Variants in IDH3A observed in about 807,000 individuals in gnomAD.
IDH3A encodes isocitrate dehydrogenase [NAD] subunit alpha, mitochondrial.
A neutral mutation model predicts 43.3 loss-of-function variants in IDH3A; 23 were observed. The ratio of observed to expected loss-of-function variants is 0.53; its 90% CI spans 0.38 to 0.75. The LOEUF is 0.75. Among genes scored for constraint, IDH3A ranks in the 30% least tolerant of loss-of-function variants. The pLI, the probability that IDH3A is intolerant of heterozygous loss-of-function variation, is 0.00. For missense variants in IDH3A, 329 were observed against 474.4 expected (o/e 0.69, Z 2.85); for synonymous variants, 154 against 163.5 (o/e 0.94, Z 0.44).
Position 78,157,599 on chromosome 15 carries a change from G to C in IDH3A, c.142G>C (p.Ala48Pro), listed in dbSNP as rs978774255. ...AGATGGTATTGGCCCAGAAATTTCA[G>C]CTGCAGTTATGAAGATTTTTGATGC... ...PGDGIGPEIS[A>P]AVMKIFDAAK... is the part of the protein sequence containing the mutation. The change falls in exon 3 of 11, where the codon GCT (alanine) becomes CCT (proline). Residue 48 changes from alanine to proline, a missense_variant. By Grantham distance (27) the Ala-to-Pro change is conservative. This residue lies in a region of IDH3A where 212 missense variants were observed against 345.5 expected (regional missense o/e 0.61). Coordinates refer to ENST00000299518, the MANE Select transcript of IDH3A (RefSeq NM_005530.3). 1.2e-6 allele frequency: 2 copies of C among 1,612,946 alleles called. No homozygotes were observed. Among genetic ancestry groups the C allele is most frequent in the South Asian group, 1.1e-5 (1 of 90,946 alleles).
At chr15:78,150,017 G>A (rs2141935772) in intron 1 of IDH3A, among the ~76,000 whole-genome samples, 1 of 152,356 alleles carries the variant, frequency 6.6e-6, no homozygotes, top group Non-Finnish European at 1.5e-5. Flanking sequence ...GACCTCTAGT[G>A]CTCTTGTAGC....
intron 3 of IDH3A, among the ~76,000 whole-genome samples, chr15:78,159,687 G>A (rs189948969): frequency 2.0e-5 from 3 of 152,182 alleles, no homozygotes; most frequent in Admixed American, 2.0e-4. Context: ...GTTTTTAGCA[G>A]TCACATCCAA....
intron 3 of IDH3A, 31 bp from the exon 4 acceptor site, chr15:78,160,061 A>G: frequency 7.6e-7 from 1 of 1,313,954 alleles, no homozygotes; most frequent in Non-Finnish European, 1.1e-6. Context: ...AAGTCTCTCC[A>G]GCTCACTGTG....
Position 78,162,231 on chromosome 15 carries a change from C to A in IDH3A, c.478-3C>A. 2 of 1,614,120 alleles carry A rather than the reference C, an allele frequency of 1.2e-6. No homozygotes were observed. The highest frequency in any genetic ancestry group is 1.7e-6 in the Non-Finnish European group (2 of 1,179,990). On this transcript the variant is annotated splice_region_variant and splice_polypyrimidine_tract_variant and intron_variant, in intron 5 of 10. Coordinates refer to ENST00000299518, the MANE Select transcript of IDH3A (RefSeq NM_005530.3). The stretch of plus-strand genomic sequence containing the variant: ...CAGCAAGGTGGGACTTCCTGTCTTG[C>A]AGATTGTTGATGGAGTCGTGCAGAG...
At chr15:78,163,663 TG>T in intron 7 of IDH3A, 52 bp from the exon 8 acceptor site, 1 of 1,553,238 alleles carries the variant, frequency 6.4e-7, no homozygotes, top group Non-Finnish European at 8.9e-7. Context: ...GGTGTCTGTG[TG>T]TTGTGGGGAT....
In IDH3A at chr15:78,165,006, G is replaced by C. The variant is rs1180890660; in HGVS notation, c.794G>C (p.Gly265Ala). Residue 265 changes from glycine to alanine, a missense_variant, in exon 9 of 11, where the codon GGA becomes GCA. Coordinates refer to ENST00000299518, the MANE Select transcript of IDH3A (RefSeq NM_005530.3). The part of the protein sequence containing the change: ...YGDILSDLCA[G>A]LIGGLGVTPS... ...TCTTCCGCTAGTGACTTGTGTGCAG[G>C]ATTGATCGGAGGTCTCGGTGTGACA... is the stretch of plus-strand genomic sequence containing the variant. 6.2e-7 allele frequency: 1 copy of C among 1,613,620 alleles called. No individual in the cohort carries two copies. Among genetic ancestry groups the C allele is most frequent in the Admixed American group, 1.7e-5 (1 of 59,990 alleles).
At chr15:78,151,628 T>C (rs1399935592) in intron 1 of IDH3A, 1 of 151,970 alleles carries the variant, frequency 6.6e-6, no homozygotes, top group African/African-American at 2.4e-5. Context: ...ACTATTTACA[T>C]GTTTTTAAGT....
At position 78,149,367 on chromosome 15, in the gene IDH3A, C is replaced by T. The variant is rs529223207; in HGVS notation, c.-37C>T. On this transcript the variant is annotated 5_prime_UTR_variant, in exon 1 of 11. Coordinates refer to ENST00000299518, the MANE Select transcript of IDH3A (RefSeq NM_005530.3). ...CGTGGGGTGGGCGCTTGCGCACTGC[C>T]GCTGCGGCTGTTGCTGCGGAGCCAG... The T allele has an allele frequency of 2.0e-6, 3 of 1,521,566 alleles. No homozygotes were observed. Among genetic ancestry groups the T allele is most frequent in the South Asian group, 1.2e-5 (1 of 82,270 alleles). The allele number at this position is 1,521,566 out of a possible 1,614,324, so 94.3% of individuals were successfully genotyped here.
intron 1 of IDH3A, 40 bp from the exon 2 acceptor site, chr15:78,155,173 T>C (rs2074613787): frequency 6.8e-7 from 1 of 1,470,654 alleles, no homozygotes; most frequent in Non-Finnish European, 9.5e-7. Context: ...GTATGTGGTT[T>C]AATTCTGTGT....
At chr15:78,159,067 A>T (rs1457978188) in intron 3 of IDH3A, among the ~76,000 whole-genome samples, 1 of 152,176 alleles carries the variant, frequency 6.6e-6, no homozygotes, top group Non-Finnish European at 1.5e-5. Context: ...TCCTGACCTC[A>T]GGTGATCCAC....
rs777293606 is a variant in IDH3A, at chr15:78,149,437, G to C, written c.27+7G>C. The C allele has an allele frequency of 6.5e-7, 1 of 1,540,612 alleles. No individual in the cohort carries two copies. Among genetic ancestry groups the C allele is most frequent in the East Asian group, 2.6e-5 (1 of 39,200 alleles). On this transcript the variant is annotated splice_region_variant and intron_variant, in intron 1 of 10. Coordinates refer to ENST00000299518, the MANE Select transcript of IDH3A (RefSeq NM_005530.3). ...GCCCGCGTGGATCTCTAAGGTGAGC[G>C]CTGGCAGGCCGGCGTGTGGCAGGCA...
chr15:78,163,479 T>C (rs1595870478), intron 6 of IDH3A, 28 bp from the exon 7 acceptor site: 4 of 1,472,506 alleles, frequency 2.7e-6, no homozygotes, highest in Middle Eastern at 1.9e-4. Context: ...GACTTTTTTT[T>C]CAGCAGTTTT....
At chr15:78,155,461 A>C in intron 2 of IDH3A, 186 bp downstream of exon 2, 1 of 463,226 alleles carries the variant, frequency 2.2e-6, no homozygotes, top group Non-Finnish European at 3.8e-6. Context: ...GCGCATTTGA[A>C]AGAATTATCT....
At position 78,171,548 on chromosome 15, in the gene IDH3A, G is replaced by T. The variant is rs11638547; in HGVS notation, c.*2543G>T. On this transcript the variant is annotated 3_prime_UTR_variant, in exon 11 of 11. Transcript: ENST00000299518. Reference sequence around the variant, plus strand: ...GTGGGACCTAAAAGGGAAATGAGAAGAAATGAGTGAGGCCCAGGCTCTGAG... The same window carrying T: ...GTGGGACCTAAAAGGGAAATGAGAATAAATGAGTGAGGCCCAGGCTCTGAG... The T allele has an allele frequency of 0.37, 599,439 of 1,605,588 alleles. 117,164 individuals carry two copies. Among genetic ancestry groups the T allele is most frequent in the Non-Finnish European group, 0.41 (478,006 of 1,172,480 alleles).
chr15:78,155,223 T>C lies in IDH3A; in HGVS notation c.38T>C (p.Leu13Pro). The C allele has an allele frequency of 6.2e-7, 1 of 1,611,852 alleles. No homozygotes were observed. Among genetic ancestry groups the C allele is most frequent in the South Asian group, 1.1e-5 (1 of 91,030 alleles). The change falls in exon 2 of 11, where the codon CTG (leucine) becomes CCG (proline). Residue 13 changes from leucine to proline, a missense_variant. Coordinates refer to ENST00000299518, the MANE Select transcript of IDH3A (RefSeq NM_005530.3). Reference sequence around the variant, plus strand: ...TTGATATTAATATAGGTCTCTCGGCTGCTGGGGGCATTCCACAACCCAAAA... The same window carrying C: ...TTGATATTAATATAGGTCTCTCGGCCGCTGGGGGCATTCCACAACCCAAAA... ...GPAWISKVSR[L>P]LGAFHNPKQV... is the part of the protein sequence containing the mutation.
Position 78,168,917 on chromosome 15 carries a change from C to G in IDH3A, c.1018-5C>G. 6.3e-7 allele frequency: 1 copy of G among 1,581,546 alleles called. No homozygotes were observed. Among genetic ancestry groups the G allele is most frequent in the Non-Finnish European group, 8.7e-7 (1 of 1,154,564 alleles). ...TCTTTTATTTTTGCTTTTTCCTTTTCTCAGAGCTTGACAAAAGATTTGGGA... is the reference window on the plus strand; with the variant it reads ...TCTTTTATTTTTGCTTTTTCCTTTTGTCAGAGCTTGACAAAAGATTTGGGA... On this transcript the variant is annotated splice_polypyrimidine_tract_variant and splice_region_variant and intron_variant, in intron 10 of 10. Coordinates refer to ENST00000299518, the MANE Select transcript of IDH3A (RefSeq NM_005530.3).
At chr15:78,157,360 C>T in intron 2 of IDH3A, 188 bp from the exon 3 acceptor site, 1 of 619,158 alleles carries the variant, frequency 1.6e-6, no homozygotes, top group Non-Finnish European at 2.6e-6. Context: ...AGTAGGATTG[C>T]AGAGTCTCTC....
Position 78,162,281 on chromosome 15 carries a change from G to A in IDH3A, c.525G>A (p.Ala175=), listed in dbSNP as rs752740834. The change falls in exon 6 of 11, where the codon GCG becomes GCA. Residue 175 remains alanine, a synonymous_variant. Coordinates refer to ENST00000299518, the MANE Select transcript of IDH3A (RefSeq NM_005530.3). ...GTATCAAGCTCATCACCGAGGGGGC[G>A]AGCAAGCGCATTGCTGAGTTTGCCT... ...VQSIKLITEG[A]SKRIAEFAFE... The A allele has an allele frequency of 6.8e-6, 11 of 1,614,038 alleles. No individual in the cohort carries two copies. The highest frequency in any genetic ancestry group is 6.7e-5 in the African/African-American group (5 of 74,928).
At chr15:78,162,866 G>A (rs1182065025) in intron 6 of IDH3A, among the ~76,000 whole-genome samples, 1 of 152,132 alleles carries the variant, frequency 6.6e-6, no homozygotes, top group African/African-American at 2.4e-5. Flanking sequence ...TGTTTACTGC[G>A]CCTCCCTGGG....
Sources: allele counts gnomAD v4.1 joint callset (sites outside exome capture counted in the v4.1 genomes callset), GRCh38; gene constraint gnomAD v4.1.1; regional missense constraint gnomAD v4.1.1; transcripts MANE v1.5; gene names NCBI Gene and HGNC (gene_info 2026-07-23, HGNC 2026-07-21).